The following ARHGEF12 variants were observed in gnomAD, a reference collection of about 807,000 sequenced individuals.
ARHGEF12 encodes KMT2A/ARHGEF12 fusion protein.
Under a neutral mutation model 211.2 loss-of-function variants are expected in ARHGEF12, and 66 were observed. The observed-to-expected ratio is 0.31, with a 90% CI of 0.26 to 0.38. The LOEUF is 0.38. Among genes scored for constraint, ARHGEF12 ranks in the 10% least tolerant of loss-of-function variants. The pLI, the probability that ARHGEF12 is intolerant of heterozygous loss-of-function variation, is 1.00. For missense variants in ARHGEF12, 1,429 were observed against 1,869.5 expected, an observed-to-expected ratio of 0.76 and a Z score of 4.34; for synonymous variants, 592 against 638.4, an observed-to-expected ratio of 0.93 and a Z score of 1.09.
Position 120,488,679 on chromosome 11 carries a change from C to T in ARHGEF12, c.*3602C>T, listed in dbSNP as rs1947460263. On this transcript the variant is annotated 3_prime_UTR_variant, in exon 41 of 41. Transcript: ENST00000397843. ...TTCCAAAAATGGTAACTGTCATGTG[C>T]ACACTGTTGGTTATTTTTAATAAGC... is the stretch of plus-strand genomic sequence containing the variant. 4.5e-6 allele frequency: 1 copy of T among 220,874 alleles called. No individual in the cohort carries two copies. 13.7% of individuals were successfully genotyped at this position (220,874 alleles called of 1,614,324 possible). A position where few individuals can be genotyped will look rare whatever the true frequency, so the allele number is the denominator to read the frequency against.
chr11:120,484,330 G>T, intron 39 of ARHGEF12, 108 bp from the exon 40 acceptor site: 5 of 838,732 alleles, frequency 6.0e-6, no homozygotes, highest in Non-Finnish European at 7.3e-6. Flanking sequence ...TGAAATTTGG[G>T]GGCTTGTACC....
At chr11:120,387,095 C>T (rs1239169345) in intron 1 of ARHGEF12, among the ~76,000 whole-genome samples, 1 of 152,024 alleles carries the variant, frequency 6.6e-6, no homozygotes, top group African/African-American at 2.4e-5. Flanking sequence ...GAGGGTTGGA[C>T]TAGGCAACCT....
At chr11:120,428,639 A>G (rs796284842) in intron 8 of ARHGEF12, among the ~76,000 whole-genome samples, 2 of 152,306 alleles carry the variant, frequency 1.3e-5, no homozygotes, top group African/African-American at 4.8e-5. Flanking sequence ...GTTGATTGAG[A>G]TTAAGTCAAG....
intron 21 of ARHGEF12, chr11:120,451,079 A>G (rs946914974): frequency 8.9e-5 from 14 of 157,834 alleles, no homozygotes; most frequent in Non-Finnish European, 1.5e-4. Flanking sequence ...TCCACTATAT[A>G]TATTTTTTAG....
At chr11:120,478,490 G>T (rs944339039) in intron 37 of ARHGEF12, 101 bp downstream of exon 37, 2 of 1,107,346 alleles carry the variant, frequency 1.8e-6, no homozygotes, top group East Asian at 2.6e-5. Context: ...TATTCTTCTA[G>T]TTCTATTGTG....
At chr11:120,431,418 C>G (rs185081261) in intron 10 of ARHGEF12, among the ~76,000 whole-genome samples, 1 of 152,080 alleles carries the variant, frequency 6.6e-6, no homozygotes. Flanking sequence ...TAACAAGAAA[C>G]TATAGGGTAA....
chr11:120,370,168 G>A (rs575513664), intron 1 of ARHGEF12, among the ~76,000 whole-genome samples: 1 of 152,058 alleles, frequency 6.6e-6, no homozygotes, highest in Non-Finnish European at 1.5e-5. Flanking sequence ...AAAATATTAT[G>A]AATATGATAT....
chr11:120,448,825 G>T, intron 20 of ARHGEF12: 1 of 335,336 alleles, frequency 3.0e-6, no homozygotes, highest in Non-Finnish European at 5.4e-6. Context: ...TTGAATGGAT[G>T]AATGAATTGT....
In ARHGEF12 at chr11:120,480,063, G is replaced by C. The variant is rs1371443579; in HGVS notation, c.3870G>C (p.Gly1290=). The C allele has an allele frequency of 6.2e-7, 1 of 1,614,204 alleles. No individual in the cohort carries two copies. Among genetic ancestry groups the C allele is most frequent in the East Asian group, 2.2e-5 (1 of 44,886 alleles). ...CAAGATACAGAACAGCCTCTCAGGG[G>C]CCGCAGACAGACAGTGTCATCCAGA... ...HFPRYRTASQ[G]PQTDSVIQNS... The change falls in exon 38 of 41, where the codon GGG becomes GGC. Residue 1290 remains glycine (G), a synonymous_variant. Coordinates refer to ENST00000397843, the MANE Select transcript of ARHGEF12 (RefSeq NM_015313.3).
In ARHGEF12 at chr11:120,486,333, G is replaced by A. The variant is rs1333285381; in HGVS notation, c.*1256G>A. The A allele has an allele frequency of 1.7e-5, 4 of 233,078 alleles. No homozygotes were observed. In the East Asian group the frequency reaches 1.8e-4, roughly 11 times the overall value. 14.4% of individuals were successfully genotyped at this position (233,078 alleles called of 1,614,324 possible). On this transcript the variant is annotated 3_prime_UTR_variant, in exon 41 of 41. Coordinates refer to ENST00000397843, the MANE Select transcript of ARHGEF12 (RefSeq NM_015313.3). ...CTGCTCACACCAGCTCCAGAAGCAC[G>A]TCCTCTGACTTCACTGCCGCAGCTC...
chr11:120,432,611 T>C (rs558170822), intron 11 of ARHGEF12, among the ~76,000 whole-genome samples: 1 of 152,332 alleles, frequency 6.6e-6, no homozygotes, highest in African/African-American at 2.4e-5. Flanking sequence ...TGTTTTGTAA[T>C]TGTGGGTCAT....
intron 1 of ARHGEF12, among the ~76,000 whole-genome samples, chr11:120,399,865 CT>C (rs898381989): frequency 2.6e-5 from 4 of 151,974 alleles, no homozygotes; most frequent in Admixed American, 6.6e-5. Context: ...GAGTAGTACT[CT>C]TTTTTTAAAT....
At position 120,480,355 on chromosome 11, in the gene ARHGEF12, C is replaced by G; in HGVS notation, c.4162C>G (p.His1388Asp). The G allele has an allele frequency of 6.2e-7, 1 of 1,614,146 alleles. No individual in the cohort carries two copies. ...GEHFFDAREAHSDENPSEGDG... is the reference protein window; with the variant it reads ...GEHFFDAREADSDENPSEGDG... Reference sequence around the variant, plus strand: ...GCACTTTTTTGATGCCCGTGAAGCACATAGTGATGAGAATCCATCAGAAGG... The same window carrying G: ...GCACTTTTTTGATGCCCGTGAAGCAGATAGTGATGAGAATCCATCAGAAGG... Residue 1388 changes from histidine to aspartate, a missense_variant, in exon 38 of 41, where the codon CAT (histidine) becomes GAT (aspartate). By Grantham distance (81) the His-to-Asp change is moderately conservative (BLOSUM62 -1). Transcript: ENST00000397843.
Position 120,485,609 on chromosome 11 carries a change from G to A in ARHGEF12, c.*532G>A, listed in dbSNP as rs1193811194. On this transcript the variant is annotated 3_prime_UTR_variant, in exon 41 of 41. Transcript: ENST00000397843. ...GGTTAAGAAGAGGAGGAAGTGAGAC[G>A]GGGAAGGGAGGAGCACCTTGCTTCA... 2 of 235,506 alleles carry A rather than the reference G, an allele frequency of 8.5e-6. No individual in the cohort carries two copies. The highest frequency in any genetic ancestry group is 5.6e-5 in the Admixed American group (1 of 17,966). The allele number at this position is 235,506 out of a possible 1,614,324, so 14.6% of individuals were successfully genotyped here. A position where few individuals can be genotyped will look rare whatever the true frequency, so the allele number is the denominator to read the frequency against.
intron 1 of ARHGEF12, among the ~76,000 whole-genome samples, chr11:120,396,356 A>G (rs961999512): frequency 6.6e-6 from 1 of 152,138 alleles, no homozygotes; most frequent in African/African-American, 2.4e-5. Context: ...GCTAGTGTGG[A>G]TTGGGCTTAG....
At chr11:120,444,351 A>G (rs1276312956) in intron 15 of ARHGEF12, among the ~76,000 whole-genome samples, 1 of 152,212 alleles carries the variant, frequency 6.6e-6, no homozygotes, top group Non-Finnish European at 1.5e-5. Context: ...AAGTATAAGA[A>G]GAATCCTTAC....
intron 1 of ARHGEF12, among the ~76,000 whole-genome samples, chr11:120,366,673 A>G (rs1175012945): frequency 2.0e-5 from 3 of 152,102 alleles, no homozygotes; most frequent in Admixed American, 6.5e-5. Flanking sequence ...GAACTTTTCC[A>G]TCTTCTCCAC....
In ARHGEF12 at chr11:120,382,086, C is replaced by T. The variant is rs150219691; in HGVS notation, c.33-24032C>T. 4.4e-3 allele frequency among the ~76,000 whole-genome samples: 672 copies of T among 152,268 alleles called. 4 individuals are homozygous for T. Among genetic ancestry groups the T allele is most frequent in the African/African-American group, 0.015 (637 of 41,562 alleles). ...ATCATAATTTGTTTTTTCATTCCCC[C>T]ATTAAAGGCCATTGTAGTTACTTTC... On this transcript the variant is annotated intron_variant, in intron 1 of 40. Transcript: ENST00000397843.
At position 120,488,392 on chromosome 11, in the gene ARHGEF12, A is replaced by G. The variant is rs1391232916; in HGVS notation, c.*3315A>G. On this transcript the variant is annotated 3_prime_UTR_variant, in exon 41 of 41. Coordinates refer to ENST00000397843, the MANE Select transcript of ARHGEF12 (RefSeq NM_015313.3). ...AAATACAAAATTAGCAGGGCCTCAC[A>G]GTCAGCTTCCTCATGGCTAGTTTTT... 1 of 216,384 alleles carries G rather than the reference A, an allele frequency of 4.6e-6. No homozygotes were observed. Among genetic ancestry groups the G allele is most frequent in the Non-Finnish European group, 9.3e-6 (1 of 107,484 alleles). The allele number at this position is 216,384 out of a possible 1,614,324, so 13.4% of individuals were successfully genotyped here. A position where few individuals can be genotyped will look rare whatever the true frequency, so the allele number is the denominator to read the frequency against.
Sources: gnomAD v4.1 joint callset for allele counts (sites outside exome capture counted in the v4.1 genomes callset) on GRCh38, gnomAD v4.1.1 for gene constraint, MANE v1.5 for transcripts, NCBI Gene and HGNC (gene_info 2026-07-23, HGNC 2026-07-21) for gene names.